DUSP29: variants seen among roughly 807,000 people sequenced by gnomAD.
The protein encoded by DUSP29 is dual specificity phosphatase 29.
A neutral mutation model predicts 13.5 loss-of-function variants in DUSP29; 12 were observed. The observed-to-expected ratio is 0.89, with a 90% CI of 0.57 to 1.44. The LOEUF (loss-of-function observed/expected upper bound fraction) is 1.44, where lower values mean the gene tolerates loss of function less well. Among genes scored for constraint, DUSP29 ranks in the 40% most tolerant of loss-of-function variants. The probability of loss-of-function intolerance (pLI) is 0.00; values close to 1 mark genes in which losing one functional copy is unlikely to be tolerated. For missense variants in DUSP29, 308 were observed against 301.1 expected, an observed-to-expected ratio of 1.02 and a Z score of -0.17; for synonymous variants, 134 against 128.7, an observed-to-expected ratio of 1.04 and a Z score of -0.28.
At chr10:75,043,631 G>A (rs1030547475) in intron 3 of DUSP29, among the ~76,000 whole-genome samples, 166 bp downstream of exon 3, 2 of 152,084 alleles carry the variant, frequency 1.3e-5, no homozygotes, top group Non-Finnish European at 1.5e-5. Flanking sequence ...CGCACATCCC[G>A]CTTCCGGCCT....
chr10:75,063,590 T>C (rs970039048), intron 1 of DUSP29, among the ~76,000 whole-genome samples: 3 of 152,068 alleles, frequency 2.0e-5, no homozygotes, highest in Non-Finnish European at 4.4e-5. Context: ...TCCTGGAGGC[T>C]GGCCCGTGTG....
intron 2 of DUSP29, among the ~76,000 whole-genome samples, chr10:75,054,794 C>T (rs1022114376): frequency 2.8e-4 from 42 of 152,250 alleles, no homozygotes; most frequent in African/African-American, 9.1e-4. Context: ...TTATTAGCCT[C>T]TTACCAATAG....
intron 3 of DUSP29, among the ~76,000 whole-genome samples, chr10:75,039,212 T>C (rs553054310): frequency 1.3e-5 from 2 of 152,300 alleles, no homozygotes; most frequent in South Asian, 4.1e-4. Flanking sequence ...GTCAGAGCCC[T>C]TGAGGCATGC....
intron 1 of DUSP29, among the ~76,000 whole-genome samples, chr10:75,065,618 C>T (rs1183289885): frequency 2.6e-5 from 4 of 152,212 alleles, no homozygotes; most frequent in South Asian, 2.1e-4. Flanking sequence ...CATGAGCCAC[C>T]GCGCCCAGCC....
At chr10:75,068,539 T>C (rs1348648712) in intron 1 of DUSP29, among the ~76,000 whole-genome samples, 2 of 129,160 alleles carry the variant, frequency 1.5e-5, no homozygotes, top group Non-Finnish European at 3.5e-5. Flanking sequence ...GTAGATCCAT[T>C]GCATTTTCAT....
intron 1 of DUSP29, among the ~76,000 whole-genome samples, chr10:75,065,432 G>A (rs1416269176): frequency 6.6e-6 from 1 of 151,706 alleles, no homozygotes; most frequent in South Asian, 2.1e-4. Context: ...GGGTTCAAGC[G>A]ATTCTCCTGC....
intron 1 of DUSP29, among the ~76,000 whole-genome samples, chr10:75,062,505 G>A (rs1847112445): frequency 1.3e-5 from 2 of 152,180 alleles, no homozygotes; most frequent in African/African-American, 2.4e-5. Flanking sequence ...AGACAAAGGA[G>A]GAAGTGGTGC....
chr10:75,041,769 T>C (rs1407427224), intron 3 of DUSP29, among the ~76,000 whole-genome samples: 1 of 152,224 alleles, frequency 6.6e-6, no homozygotes, highest in Non-Finnish European at 1.5e-5. Flanking sequence ...TCCAAGTATC[T>C]ACTCTCCTCC....
chr10:75,061,951 G>A (rs1208160194), intron 1 of DUSP29, among the ~76,000 whole-genome samples: 4 of 152,236 alleles, frequency 2.6e-5, no homozygotes, highest in Admixed American at 6.5e-5. Flanking sequence ...TGAGCCTCCA[G>A]GCTGATTTGG....
chr10:75,046,058 A>T (rs1477561775), intron 2 of DUSP29, among the ~76,000 whole-genome samples: 1 of 152,098 alleles, frequency 6.6e-6, no homozygotes, highest in Non-Finnish European at 1.5e-5. Context: ...TTGAGGCTGC[A>T]GTGAGCTGTG....
chr10:75,039,296 T>C (rs1326212025), intron 3 of DUSP29, among the ~76,000 whole-genome samples: 1 of 152,180 alleles, frequency 6.6e-6, no homozygotes, highest in Non-Finnish European at 1.5e-5. Context: ...TGTTCTCACA[T>C]ACAGTCAGAG....
chr10:75,052,641 G>A (rs936853662), intron 2 of DUSP29, among the ~76,000 whole-genome samples: 3 of 151,874 alleles, frequency 2.0e-5, no homozygotes, highest in East Asian at 3.9e-4. Context: ...TAGTAGAGGC[G>A]GGGTTTTGCC....
chr10:75,048,725 C>T (rs1199000542), intron 2 of DUSP29, among the ~76,000 whole-genome samples: 1 of 152,142 alleles, frequency 6.6e-6, no homozygotes, highest in Non-Finnish European at 1.5e-5. Flanking sequence ...GACTTTAAAA[C>T]AGTGGGCACA....
chr10:75,051,170 A>C (rs1846820677), intron 2 of DUSP29, among the ~76,000 whole-genome samples: 1 of 152,112 alleles, frequency 6.6e-6, no homozygotes, highest in African/African-American at 2.4e-5. Context: ...CTCATGGGAG[A>C]AATCTGACCC....
chr10:75,067,419 C>T (rs900062892), intron 1 of DUSP29, among the ~76,000 whole-genome samples: 1 of 152,188 alleles, frequency 6.6e-6, no homozygotes, highest in Admixed American at 6.5e-5. Context: ...CCTCCCCACC[C>T]CATCCCTTAC....
At chr10:75,071,855 G>A (rs1403099092) in intron 1 of DUSP29, among the ~76,000 whole-genome samples, 1 of 152,190 alleles carries the variant, frequency 6.6e-6, no homozygotes, top group Admixed American at 6.5e-5. Context: ...CACACAACCG[G>A]CTGGACGTAC....
Position 75,038,040 on chromosome 10 carries a change from C to T in DUSP29, c.459G>A (p.Arg153=). The change falls in exon 4 of 4, where the codon CGG becomes CGA. Residue 153 remains arginine (R), a synonymous_variant. Transcript: ENST00000338487. ...GGTAGGCCAGGACCAGGGTGGCTGA[C>T]CGGCTGCGGCCCATGACGCAGTGAA... The part of the protein sequence containing the change: ...ILVHCVMGRS[R]SATLVLAYLM... 6.2e-7 allele frequency: 1 copy of T among 1,613,764 alleles called. No homozygotes were observed. Among genetic ancestry groups the T allele is most frequent in the Non-Finnish European group, 8.5e-7 (1 of 1,179,994 alleles).
Position 75,037,941 on chromosome 10 carries a change from G to T in DUSP29, c.558C>A (p.Asn186Lys). The change falls in exon 4 of 4, where the codon AAC becomes AAA. Residue 186 changes from asparagine (N) to lysine (K), a missense_variant. By Grantham distance (94) the Asn-to-Lys change is moderately conservative (BLOSUM62 0). Coordinates refer to ENST00000338487, the MANE Select transcript of DUSP29 (RefSeq NM_001003892.3). ...CCCGGAGCTGCTTCAAAAAGCCCCG[G>T]TTCGGGAGGACGCAGCGGTTCTTGG... is the stretch of plus-strand genomic sequence containing the variant. ...QVAKNRCVLP[N>K]RGFLKQLREL... 6.2e-7 allele frequency: 1 copy of T among 1,613,968 alleles called. No homozygotes were observed. Among genetic ancestry groups the T allele is most frequent in the Non-Finnish European group, 8.5e-7 (1 of 1,180,052 alleles).
intron 1 of DUSP29, among the ~76,000 whole-genome samples, chr10:75,071,911 C>T (rs4306247): frequency 0.011 from 1,644 of 152,322 alleles, 36 homozygotes; most frequent in African/African-American, 0.037. Context: ...TTGTCAAAAG[C>T]GCGCCGGCAG....
Sources: allele counts gnomAD v4.1 joint callset (sites outside exome capture counted in the v4.1 genomes callset), GRCh38; gene constraint gnomAD v4.1.1; transcripts MANE v1.5; gene names NCBI Gene and HGNC (gene_info 2026-07-23, HGNC 2026-07-21).